The following DMP1 variants were observed in gnomAD, a reference collection of about 807,000 sequenced individuals.
The protein encoded by DMP1 is dentin matrix protein 1.
In DMP1, 20 loss-of-function variants were observed where a neutral mutation model predicts 14.6. The ratio of observed to expected loss-of-function variants is 1.37; its 90% CI spans 0.96 to 1.99. DMP1 has a LOEUF of 1.99. Among genes scored for constraint, DMP1 ranks in the 30% most tolerant of loss-of-function variants. DMP1 has a pLI of 0.00. For missense variants in DMP1, 567 were observed against 620.5 expected (o/e 0.91, Z 0.92); for synonymous variants, 197 against 215.3 (o/e 0.91, Z 0.75).
At chr4:87,651,851 C>T (rs886818086) in intron 1 of DMP1, among the ~76,000 whole-genome samples, 5 of 152,106 alleles carry the variant, frequency 3.3e-5, no homozygotes, top group African/African-American at 4.8e-5. Flanking sequence ...GAGTCTATGA[C>T]TTTTCAAACC....
At chr4:87,651,449 G>T (rs1250879332) in intron 1 of DMP1, among the ~76,000 whole-genome samples, 3 of 151,992 alleles carry the variant, frequency 2.0e-5, no homozygotes, top group Non-Finnish European at 4.4e-5. Flanking sequence ...TGTTTCTCTG[G>T]ATTCCTGGTA....
chr4:87,663,072 G>C lies in DMP1; in HGVS notation c.1294G>C (p.Gly432Arg), dbSNP rs866017075. 1 of 1,614,184 alleles carries C rather than the reference G, an allele frequency of 6.2e-7. No homozygotes were observed. Among genetic ancestry groups the C allele is most frequent in the Non-Finnish European group, 8.5e-7 (1 of 1,180,024 alleles). ...GGATGAGAACAGCTCCAGCCAGGAG[G>C]GCCTCCAGTCTCACAGCAGCTCAGC... ...PEDENSSSQE[G>R]LQSHSSSAES... The change falls in exon 6 of 6, where the codon GGC becomes CGC. Residue 432 changes from glycine (G) to arginine (R), a missense_variant. Gly to Arg is a moderately radical substitution (Grantham distance 125). Coordinates refer to ENST00000339673, the MANE Select transcript of DMP1 (RefSeq NM_004407.4).
At chr4:87,653,386 GATATATATAT>G (rs57266829) in intron 1 of DMP1, among the ~76,000 whole-genome samples, 1,927 of 57,730 alleles carry the variant, frequency 0.033, 69 homozygotes, top group East Asian at 0.07. Flanking sequence ...ATTATCGAGT[GATATATATAT>G]ATATATATAT....
chr4:87,659,069 A>C (rs754748777), intron 3 of DMP1, 151 bp from the exon 4 acceptor site: 1 of 773,678 alleles, frequency 1.3e-6, no homozygotes, highest in Non-Finnish European at 2.2e-6. Context: ...TTTTGGAACC[A>C]TTTCATCATA....
intron 5 of DMP1, among the ~76,000 whole-genome samples, chr4:87,661,442 T>C (rs1272394243): frequency 6.6e-6 from 1 of 151,826 alleles, no homozygotes; most frequent in Non-Finnish European, 1.5e-5. Context: ...CAGGATGGTC[T>C]CGATCTCCTG....
intron 5 of DMP1, among the ~76,000 whole-genome samples, chr4:87,661,660 T>TG (rs1486665132): frequency 6.6e-6 from 1 of 151,432 alleles, no homozygotes; most frequent in Admixed American, 6.6e-5. Context: ...TTTTTTTTTT[T>TG]TTTAAGGAAT....
At chr4:87,656,617 G>T in intron 2 of DMP1, 71 bp downstream of exon 2, 1 of 981,754 alleles carries the variant, frequency 1.0e-6, no homozygotes, top group South Asian at 1.3e-5. Context: ...GATTGGCTAT[G>T]AACCAAGATG....
intron 1 of DMP1, among the ~76,000 whole-genome samples, chr4:87,655,300 G>A (rs1244932660): frequency 6.6e-6 from 1 of 152,144 alleles, no homozygotes; most frequent in African/African-American, 2.4e-5. Flanking sequence ...TTTTACTTTA[G>A]CATCTAGTAC....
intron 5 of DMP1, chr4:87,660,796 A>C (rs924610087): frequency 6.6e-6 from 1 of 152,234 alleles, no homozygotes; most frequent in African/African-American, 2.4e-5. Flanking sequence ...TTCTGGTTGT[A>C]CTAACGAGGT....
chr4:87,663,331 C>T lies in DMP1; in HGVS notation c.*11C>T, dbSNP rs953264697. The stretch of plus-strand genomic sequence containing the variant: ...CAAGACGGCTATTAGCATCAGCTGT[C>T]CTAAGAAGCAGTTGTCACATAAAGG... On this transcript the variant is annotated 3_prime_UTR_variant, in exon 6 of 6. Coordinates refer to ENST00000339673, the MANE Select transcript of DMP1 (RefSeq NM_004407.4). 6.2e-7 allele frequency: 1 copy of T among 1,614,024 alleles called. No individual in the cohort carries two copies. Among genetic ancestry groups the T allele is most frequent in the Non-Finnish European group, 8.5e-7 (1 of 1,180,024 alleles).
At position 87,663,857 on chromosome 4, in the gene DMP1, G is replaced by A. The variant is rs1437940950; in HGVS notation, c.*537G>A. On this transcript the variant is annotated 3_prime_UTR_variant, in exon 6 of 6. Coordinates refer to ENST00000339673, the MANE Select transcript of DMP1 (RefSeq NM_004407.4). ...AAGGGTGACCAATGCGTTGGAGAAC[G>A]AGGGAGGGCTTCATAGCAGAAGACA... The A allele has an allele frequency of 1.2e-5, 2 of 167,660 alleles. No homozygotes were observed. Among genetic ancestry groups the A allele is most frequent in the African/African-American group, 4.8e-5 (2 of 41,630 alleles). 10.4% of individuals were successfully genotyped at this position (167,660 alleles called of 1,614,324 possible).
intron 5 of DMP1, 46 bp downstream of exon 5, chr4:87,659,524 G>A (rs1434977188): frequency 2.6e-6 from 4 of 1,546,760 alleles, no homozygotes; most frequent in South Asian, 1.1e-5. Flanking sequence ...CTTAGGAATG[G>A]AAGGAAATGA....
chr4:87,651,696 A>G lies in DMP1; in HGVS notation c.-22+1312A>G, dbSNP rs766122231. Among the ~76,000 whole-genome samples, 22 of 152,112 alleles carry G rather than the reference A, an allele frequency of 1.4e-4. 1 individual carries two copies. The highest frequency in any genetic ancestry group is 3.6e-4 in the African/African-American group (15 of 41,450). On this transcript the variant is annotated intron_variant, in intron 1 of 5. Coordinates refer to ENST00000339673, the MANE Select transcript of DMP1 (RefSeq NM_004407.4). The stretch of plus-strand genomic sequence containing the variant: ...ATTGTTGGTTTTGAGAATATGGGCT[A>G]GAAAAGTGCCTAACACATTGCATGT...
At chr4:87,652,460 A>G (rs1728552025) in intron 1 of DMP1, among the ~76,000 whole-genome samples, 1 of 152,106 alleles carries the variant, frequency 6.6e-6, no homozygotes, top group Admixed American at 6.5e-5. Context: ...GTTGGACTAT[A>G]TTTTTTGGGT....
intron 1 of DMP1, among the ~76,000 whole-genome samples, chr4:87,655,404 C>T (rs1191582871): frequency 1.3e-5 from 2 of 152,096 alleles, no homozygotes; most frequent in Admixed American, 6.6e-5. Flanking sequence ...TTTGATTTGG[C>T]GTGTTTCTCT....
chr4:87,662,477 C>G lies in DMP1; in HGVS notation c.699C>G (p.Asn233Lys), dbSNP rs1470847086. ...IRSERGNSRM[N>K]SAGMKSKESG... ...GTGAAAGGGGAAACTCCAGAATGAA[C>G]AGTGCAGGCATGAAATCAAAAGAAT... Residue 233 changes from asparagine to lysine, a missense_variant, in exon 6 of 6, where the codon AAC becomes AAG. By Grantham distance (94) the Asn-to-Lys change is moderately conservative. Coordinates refer to ENST00000339673, the MANE Select transcript of DMP1 (RefSeq NM_004407.4). The G allele has an allele frequency of 4.3e-6, 7 of 1,614,056 alleles. No individual in the cohort carries two copies. The highest frequency in any genetic ancestry group is 4.0e-5 in the African/African-American group (3 of 74,924).
chr4:87,662,815 T>A lies in DMP1; in HGVS notation c.1037T>A (p.Leu346Gln). The change falls in exon 6 of 6, where the codon CTG (leucine) becomes CAG (glutamine). Residue 346 changes from leucine (L) to glutamine (Q), a missense_variant. By Grantham distance (113) the Leu-to-Gln change is moderately radical. Coordinates refer to ENST00000339673, the MANE Select transcript of DMP1 (RefSeq NM_004407.4). ...AGTGAGTCCAGCCAAGAGGCCAACCTGTCATCTCAAGAGAACAGCAGTGAG... is the reference window on the plus strand; with the variant it reads ...AGTGAGTCCAGCCAAGAGGCCAACCAGTCATCTCAAGAGAACAGCAGTGAG... The part of the protein sequence containing the change: ...PSSESSQEAN[L>Q]SSQENSSESQ... The A allele has an allele frequency of 6.2e-7, 1 of 1,612,560 alleles. No homozygotes were observed. Among genetic ancestry groups the A allele is most frequent in the South Asian group, 1.1e-5 (1 of 91,030 alleles).
intron 3 of DMP1, chr4:87,657,482 T>A (rs560130306): frequency 6.3e-6 from 1 of 158,416 alleles, no homozygotes; most frequent in South Asian, 1.9e-4. Context: ...GTTGCTAGCA[T>A]GTTATTATAT....
chr4:87,655,202 T>C (rs1728650867), intron 1 of DMP1, among the ~76,000 whole-genome samples: 1 of 152,220 alleles, frequency 6.6e-6, no homozygotes, highest in African/African-American at 2.4e-5. Context: ...GTGAAATGTA[T>C]GGAAGTTCAT....
Sources: gnomAD v4.1 joint callset for allele counts (sites outside exome capture counted in the v4.1 genomes callset) on GRCh38, gnomAD v4.1.1 for gene constraint, MANE v1.5 for transcripts, NCBI Gene and HGNC (gene_info 2026-07-23, HGNC 2026-07-21) for gene names.